KYNU: variants seen among roughly 807,000 people sequenced by gnomAD.
KYNU encodes kynureninase.
A neutral mutation model predicts 59.2 loss-of-function variants in KYNU; 54 were observed. That is an observed-to-expected ratio of 0.91 (90% CI 0.73 to 1.14). The LOEUF is 1.14. Among genes scored for constraint, KYNU ranks in the 50% most tolerant of loss-of-function variants. KYNU has a pLI of 0.00. For missense variants in KYNU, 567 were observed against 554.4 expected (o/e 1.02, Z -0.23); for synonymous variants, 177 against 192.0 (o/e 0.92, Z 0.65).
chr2:142,987,839 T>C (rs1685263476), intron 10 of KYNU, among the ~76,000 whole-genome samples: 1 of 151,916 alleles, frequency 6.6e-6, no homozygotes, highest in African/African-American at 2.4e-5. Flanking sequence ...ATGGGGCCTT[T>C]CCCTTTGCTA....
At chr2:142,953,402 C>A (rs942168642) in intron 4 of KYNU, among the ~76,000 whole-genome samples, 1 of 152,072 alleles carries the variant, frequency 6.6e-6, no homozygotes, top group Non-Finnish European at 1.5e-5. Context: ...TAAGGGTTAC[C>A]CAGAAGTCAA....
chr2:143,029,830 G>C, intron 11 of KYNU, 151 bp downstream of exon 11: 2 of 644,532 alleles, frequency 3.1e-6, no homozygotes, highest in Middle Eastern at 4.2e-4. Flanking sequence ...GACATTTCCA[G>C]AGTGTAAGAC....
chr2:142,918,345 T>A (rs1388251183), intron 2 of KYNU, among the ~76,000 whole-genome samples: 1 of 152,172 alleles, frequency 6.6e-6, no homozygotes, highest in Admixed American at 6.5e-5. Flanking sequence ...TGATTGGAAG[T>A]ACTTGCTAAT....
At chr2:142,903,032 G>T (rs1036566937) in intron 2 of KYNU, among the ~76,000 whole-genome samples, 4 of 152,126 alleles carry the variant, frequency 2.6e-5, no homozygotes, top group African/African-American at 9.7e-5. Context: ...AGGTACAGCT[G>T]GGTATAGAGG....
At position 143,043,874 on chromosome 2, in the gene KYNU, C is replaced by A. The variant is rs542383607; in HGVS notation, c.*1702C>A. The A allele has an allele frequency of 1.3e-5, 2 of 149,374 alleles. No homozygotes were observed. Among genetic ancestry groups the A allele is most frequent in the African/African-American group, 2.5e-5 (1 of 40,730 alleles). 9.3% of individuals were successfully genotyped at this position (149,374 alleles called of 1,614,324 possible). On this transcript the variant is annotated 3_prime_UTR_variant, in exon 14 of 14. Coordinates refer to ENST00000264170, the MANE Select transcript of KYNU (RefSeq NM_003937.3). ...TTTATACTTTAAGTTCTTGGATACA[C>A]GTGCAGAACATGCAGGTTTGTTACA...
At chr2:142,957,032 T>G (rs1414582049) in intron 6 of KYNU, among the ~76,000 whole-genome samples, 1 of 152,110 alleles carries the variant, frequency 6.6e-6, no homozygotes, top group East Asian at 1.9e-4. Context: ...CATTTTATAT[T>G]TTAGTTTTGG....
intron 12 of KYNU, among the ~76,000 whole-genome samples, chr2:143,039,209 T>C (rs1686968573): frequency 6.6e-6 from 1 of 152,170 alleles, no homozygotes; most frequent in African/African-American, 2.4e-5. Flanking sequence ...TCTAATATTA[T>C]TTGCTTTCCT....
At chr2:143,039,656 CA>C (rs1423584396) in intron 12 of KYNU, among the ~76,000 whole-genome samples, 4 of 152,072 alleles carry the variant, frequency 2.6e-5, no homozygotes, top group African/African-American at 4.8e-5. Flanking sequence ...TGGAAATTAT[CA>C]CCAGACCAAC....
chr2:142,953,408 G>A (rs1300637068), intron 4 of KYNU, among the ~76,000 whole-genome samples: 4 of 152,158 alleles, frequency 2.6e-5, no homozygotes, highest in Admixed American at 1.3e-4. Flanking sequence ...TTACCCAGAA[G>A]TCAACATGGC....
At chr2:142,944,195 G>A (rs1683698837) in intron 4 of KYNU, among the ~76,000 whole-genome samples, 2 of 152,186 alleles carry the variant, frequency 1.3e-5, no homozygotes, top group South Asian at 4.1e-4. Flanking sequence ...TCCTCGTTAT[G>A]AAATGAAGAG....
chr2:142,914,203 C>G (rs556302316), intron 2 of KYNU, among the ~76,000 whole-genome samples: 64 of 152,324 alleles, frequency 4.2e-4, no homozygotes, highest in Middle Eastern at 6.8e-3. Flanking sequence ...ATGTTTGGAT[C>G]CCCTGGGAAC....
chr2:142,893,899 A>G lies in KYNU; in HGVS notation c.169+8363A>G, dbSNP rs543961001. Among the ~76,000 whole-genome samples the G allele has an allele frequency of 7.2e-5, 11 of 152,312 alleles. No homozygotes were observed. In the South Asian group the frequency reaches 2.3e-3, roughly 32 times the overall value. ...TTTACAAAGAAATCTCAAGGTCCCA[A>G]CCAACTTTTCCATATTTTTGGGCAA... is the stretch of plus-strand genomic sequence containing the variant. On this transcript the variant is annotated intron_variant, in intron 2 of 13. Transcript: ENST00000264170.
intron 4 of KYNU, among the ~76,000 whole-genome samples, chr2:142,944,961 A>G (rs1683725684): frequency 6.6e-6 from 1 of 152,230 alleles, no homozygotes; most frequent in African/African-American, 2.4e-5. Context: ...CTAAAAAGCA[A>G]TGTGGATACC....
chr2:142,984,313 C>A (rs1434839461), intron 8 of KYNU, among the ~76,000 whole-genome samples: 1 of 151,898 alleles, frequency 6.6e-6, no homozygotes, highest in Non-Finnish European at 1.5e-5. Context: ...ATAATGGGAG[C>A]TAGTCATACT....
intron 11 of KYNU, among the ~76,000 whole-genome samples, chr2:143,030,081 T>C (rs1415159918): frequency 1.3e-5 from 2 of 152,232 alleles, no homozygotes; most frequent in East Asian, 3.9e-4. Context: ...TTATATCATC[T>C]TGTGTCATTG....
chr2:142,985,118 T>C lies in KYNU; in HGVS notation c.764T>C (p.Val255Ala). 2 of 1,611,474 alleles carry C rather than the reference T, an allele frequency of 1.2e-6. No homozygotes were observed. The highest frequency in any genetic ancestry group is 8.5e-7 in the Non-Finnish European group (1 of 1,178,048). The change falls in exon 9 of 14, where the codon GTT (valine) becomes GCT (alanine). Residue 255 changes from valine (V) to alanine (A), a missense_variant. Coordinates refer to ENST00000264170, the MANE Select transcript of KYNU (RefSeq NM_003937.3). The part of the protein sequence containing the change: ...CYVGFDLAHA[V>A]GNVELYLHDW... ...GTTGGCTTTGATCTAGCACATGCAG[T>C]TGGAAATGTTGAACTCTACTTACAT...
At position 142,891,302 on chromosome 2, in the gene KYNU, T is replaced by A. The variant is rs540075388; in HGVS notation, c.169+5766T>A. On this transcript the variant is annotated intron_variant, in intron 2 of 13. Coordinates refer to ENST00000264170, the MANE Select transcript of KYNU (RefSeq NM_003937.3). ...TTTTATCTCTAGCCTAGGCAAACAG[T>A]AATCTACTGAACTTGCTGTTATTTT... 8.5e-5 allele frequency among the ~76,000 whole-genome samples: 13 copies of A among 152,302 alleles called. No homozygotes were observed. The East Asian group carries it at 2.5e-3, about 29-fold the overall frequency.
At chr2:142,892,739 T>C (rs1681754495) in intron 2 of KYNU, among the ~76,000 whole-genome samples, 1 of 152,236 alleles carries the variant, frequency 6.6e-6, no homozygotes, top group Non-Finnish European at 1.5e-5. Context: ...ATAGTGGTGA[T>C]ATTCACTGAT....
At position 142,880,732 on chromosome 2, in the gene KYNU, C is replaced by T. The variant is rs558103863; in HGVS notation, c.-20+2996C>T. Among the ~76,000 whole-genome samples, 4 of 152,294 alleles carry T rather than the reference C, an allele frequency of 2.6e-5. No individual in the cohort carries two copies. The South Asian group carries it at 8.3e-4, about 32-fold the overall frequency. On this transcript the variant is annotated intron_variant, in intron 1 of 13. Transcript: ENST00000264170. Reference sequence around the variant, plus strand: ...AATAATTCACAGATCTTTGATGAAACTACATTGTCTTTAGTGGGTAAGTGT... The same window carrying T: ...AATAATTCACAGATCTTTGATGAAATTACATTGTCTTTAGTGGGTAAGTGT...
Sources: allele counts gnomAD v4.1 joint callset (sites outside exome capture counted in the v4.1 genomes callset), GRCh38; gene constraint gnomAD v4.1.1; transcripts MANE v1.5; gene names NCBI Gene and HGNC (gene_info 2026-07-23, HGNC 2026-07-21).